POLR2E: variants seen among roughly 807,000 people sequenced by gnomAD.
POLR2E encodes RNA polymerase II, I and III subunit E.
Under a neutral mutation model 29.8 loss-of-function variants are expected in POLR2E, and 35 were observed. The observed-to-expected ratio is 1.17, with a 90% CI of 0.90 to 1.55. POLR2E has a LOEUF of 1.55. Ranked by LOEUF, POLR2E falls within the 40% of genes most tolerant of loss-of-function variation. The probability of loss-of-function intolerance (pLI) is 0.00; values close to 1 mark genes in which losing one functional copy is unlikely to be tolerated. For synonymous variants in POLR2E, 174 were observed against 112.6 expected, an observed-to-expected ratio of 1.55 and a Z score of -3.45; for missense variants, 287 against 288.6, an observed-to-expected ratio of 0.99 and a Z score of 0.04.
At chr19:1,093,540 G>A (rs998232885) in intron 2 of POLR2E, among the ~76,000 whole-genome samples, 6 of 152,144 alleles carry the variant, frequency 3.9e-5, no homozygotes, top group African/African-American at 1.4e-4. Flanking sequence ...CGCTGACCCA[G>A]ACGGGGCCTC....
At chr19:1,093,697 G>A (rs999612465) in intron 2 of POLR2E, 2 of 1,351,290 alleles carry the variant, frequency 1.5e-6, no homozygotes, top group African/African-American at 1.5e-5. Context: ...AGGGGACTGA[G>A]AGGGAAACTA....
rs1412934979 is a variant in POLR2E at position 1,087,556 on chromosome 19, C to T, written c.*1179G>A. On this transcript the variant is annotated 3_prime_UTR_variant, in exon 8 of 8. Coordinates refer to ENST00000615234, the MANE Select transcript of POLR2E (RefSeq NM_002695.5). ...GGGAACCCCCATCCCCACCCAACTC[C>T]CCAGTCCCGGGAACCCCCATCCTAC... is the stretch of plus-strand genomic sequence containing the variant. 1.3e-5 allele frequency: 2 copies of T among 152,106 alleles called. No homozygotes were observed. Among genetic ancestry groups the T allele is most frequent in the Non-Finnish European group, 2.9e-5 (2 of 68,108 alleles). The allele number at this position is 152,106 out of a possible 1,614,324, so 9.4% of individuals were successfully genotyped here. A position where few individuals can be genotyped will look rare whatever the true frequency, so the allele number is the denominator to read the frequency against.
intron 2 of POLR2E, among the ~76,000 whole-genome samples, chr19:1,093,319 C>T (rs1272707118): frequency 6.6e-6 from 1 of 152,368 alleles, no homozygotes; most frequent in South Asian, 2.1e-4. Context: ...ATCCCCCAAC[C>T]GCTGAGGGCT....
chr19:1,089,421 G>A (rs555654259), intron 7 of POLR2E, 51 bp downstream of exon 7: 214 of 1,241,498 alleles, frequency 1.7e-4, no homozygotes, highest in South Asian at 1.4e-3. Context: ...CGGAGGGGAC[G>A]ACACCCCTGC....
chr19:1,090,002 G>T, intron 5 of POLR2E, 40 bp from the exon 6 acceptor site: 2 of 1,541,816 alleles, frequency 1.3e-6, no homozygotes, highest in Non-Finnish European at 1.8e-6. Flanking sequence ...CAGGGCCGTT[G>T]GGGGGGCAGG....
chr19:1,089,442 A>G lies in POLR2E; in HGVS notation c.*14+30T>C, dbSNP rs761881188. On this transcript the variant is annotated intron_variant, in intron 7 of 7. Transcript: ENST00000615234. ...GGACGACACCCCTGCCTCTGACCCC[A>G]CCTCAGTGCCTGTCCCTCGGCCGTC... 5 of 1,485,508 alleles carry G rather than the reference A, an allele frequency of 3.4e-6. No individual in the cohort carries two copies. The African/African-American group carries it at 5.6e-5, about 17-fold the overall frequency. 92.0% of individuals were successfully genotyped at this position (1,485,508 alleles called of 1,614,324 possible).
In POLR2E at chr19:1,090,252, A is replaced by C. The variant is rs901625764; in HGVS notation, c.430-107T>G. The stretch of plus-strand genomic sequence containing the variant: ...GCCTTCAGACGGACAAGAGCCCTGA[A>C]CCCCACCCCGATCCCCGGCACTCAG... On this transcript the variant is annotated intron_variant, in intron 4 of 7. Coordinates refer to ENST00000615234, the MANE Select transcript of POLR2E (RefSeq NM_002695.5). 7 of 937,456 alleles carry C rather than the reference A, an allele frequency of 7.5e-6. No homozygotes were observed. In the African/African-American group the frequency reaches 1.1e-4, roughly 15 times the overall value. 58.1% of individuals were successfully genotyped at this position (937,456 alleles called of 1,614,324 possible). A position where few individuals can be genotyped will look rare whatever the true frequency, so the allele number is the denominator to read the frequency against.
chr19:1,089,799 G>A, intron 6 of POLR2E, 85 bp downstream of exon 6: 1 of 1,102,666 alleles, frequency 9.1e-7, no homozygotes, highest in South Asian at 1.4e-5. Flanking sequence ...CAAGGGGGAG[G>A]GGCTGTCGGG....
intron 6 of POLR2E, 127 bp downstream of exon 6, chr19:1,089,757 T>C: frequency 1.2e-6 from 1 of 816,238 alleles, no homozygotes; most frequent in East Asian, 2.6e-5. Context: ...ATATTGGGGG[T>C]GTGGTCTCGA....
intron 6 of POLR2E, 135 bp downstream of exon 6, chr19:1,089,749 A>G (rs1599790984): frequency 2.5e-6 from 2 of 805,278 alleles, no homozygotes; most frequent in East Asian, 2.7e-5. Context: ...AGAGGGGGAT[A>G]TTGGGGGTGT....
chr19:1,091,795 C>T lies in POLR2E; in HGVS notation c.345G>A (p.Lys115=). 1 of 1,603,980 alleles carries T rather than the reference C, an allele frequency of 6.2e-7. No homozygotes were observed. Among genetic ancestry groups the T allele is most frequent in the African/African-American group, 1.3e-5 (1 of 74,876 alleles). The change falls in exon 3 of 8, where the codon AAG becomes AAA. Residue 115 remains lysine (K), a synonymous_variant. Coordinates refer to ENST00000615234, the MANE Select transcript of POLR2E (RefSeq NM_002695.5). ...GGGGTGGGGCAGGGGTGCCCACCTG[C>T]TTGGCGGAGGGTGTCATGCCCTGCT... The part of the protein sequence containing the change: ...VVQQGMTPSA[K]QSLVDMAPKY...
intron 2 of POLR2E, among the ~76,000 whole-genome samples, chr19:1,092,911 C>T (rs558336010): frequency 2.7e-4 from 37 of 138,034 alleles, no homozygotes; most frequent in African/African-American, 9.8e-4. Flanking sequence ...AAAGACTGGG[C>T]GCGGTGGCTC....
rs545849567 is a variant in POLR2E at position 1,088,948 on chromosome 19, G to T, written c.*15-228C>A. The stretch of plus-strand genomic sequence containing the variant: ...TCAGACCAGGCCAAGCCCCACCCCT[G>T]GGCTGAGTGTGAAGTGGGGCGGCCT... On this transcript the variant is annotated intron_variant, in intron 7 of 7. Coordinates refer to ENST00000615234, the MANE Select transcript of POLR2E (RefSeq NM_002695.5). Among the ~76,000 whole-genome samples the T allele has an allele frequency of 1.3e-3, 201 of 152,276 alleles. 3 individuals carry two copies. Among genetic ancestry groups the T allele is most frequent in the Non-Finnish European group, 7.9e-4 (54 of 67,996 alleles).
At position 1,089,557 on chromosome 19, in the gene POLR2E, G is replaced by A. The variant is rs1478058837; in HGVS notation, c.568-6C>T. 5.0e-6 allele frequency: 8 copies of A among 1,612,952 alleles called. No individual in the cohort carries two copies. The highest frequency in any genetic ancestry group is 4.0e-5 in the African/African-American group (3 of 74,900). ...GGCCGGATGATCTTCACCACCTGCAGAGACAGAGAGCAGGGGCTGCGAATG... is the reference window on the plus strand; with the variant it reads ...GGCCGGATGATCTTCACCACCTGCAAAGACAGAGAGCAGGGGCTGCGAATG... On this transcript the variant is annotated splice_polypyrimidine_tract_variant and splice_region_variant and intron_variant, in intron 6 of 7. Transcript: ENST00000615234.
At chr19:1,090,318 G>A (rs1011867458) in intron 4 of POLR2E, among the ~76,000 whole-genome samples, 173 bp from the exon 5 acceptor site, 3 of 148,372 alleles carry the variant, frequency 2.0e-5, no homozygotes, top group African/African-American at 4.9e-5. Context: ...GGCGGGGGAC[G>A]GAGTCACAGC....
chr19:1,088,222 C>A lies in POLR2E; in HGVS notation c.*513G>T, dbSNP rs2043750006. Reference sequence around the variant, plus strand: ...ATCTTTACCATTTGAAAACACCCAACCTCCTACAACAACCGAGAACTCCAG... The same window carrying A: ...ATCTTTACCATTTGAAAACACCCAAACTCCTACAACAACCGAGAACTCCAG... On this transcript the variant is annotated 3_prime_UTR_variant, in exon 8 of 8. Coordinates refer to ENST00000615234, the MANE Select transcript of POLR2E (RefSeq NM_002695.5). 6.6e-6 allele frequency: 1 copy of A among 152,428 alleles called. No homozygotes were observed. Among genetic ancestry groups the A allele is most frequent in the South Asian group, 2.1e-4 (1 of 4,836 alleles). The allele number at this position is 152,428 out of a possible 1,614,324, so 9.4% of individuals were successfully genotyped here. A position where few individuals can be genotyped will look rare whatever the true frequency, so the allele number is the denominator to read the frequency against.
At chr19:1,094,184 C>T (rs2043896285) in intron 1 of POLR2E, 106 bp from the exon 2 acceptor site, 2 of 1,032,920 alleles carry the variant, frequency 1.9e-6, no homozygotes, top group Admixed American at 5.2e-5. Context: ...CAGAGGTGAA[C>T]AGCAAACGGG....
rs938726570 is a variant in POLR2E at position 1,088,221 on chromosome 19, ACCT to A, written c.*511_*513del. 6.6e-6 allele frequency: 1 copy of A among 152,078 alleles called. No homozygotes were observed. The highest frequency in any genetic ancestry group is 2.4e-5 in the African/African-American group (1 of 41,334). The allele number at this position is 152,078 out of a possible 1,614,324, so 9.4% of individuals were successfully genotyped here. ...CATCTTTACCATTTGAAAACACCCAACCTCCTACAACAACCGAGAACTCCAGAG... is the reference window on the plus strand; with the variant it reads ...CATCTTTACCATTTGAAAACACCCAACCTACAACAACCGAGAACTCCAGAG... On this transcript the variant is annotated 3_prime_UTR_variant, in exon 8 of 8. Coordinates refer to ENST00000615234, the MANE Select transcript of POLR2E (RefSeq NM_002695.5).
rs45577837 is a variant in POLR2E at position 1,088,327 on chromosome 19, G to A, written c.*408C>T. The A allele has an allele frequency of 6.0e-3, 909 of 152,418 alleles. 1 individual carries two copies. Among genetic ancestry groups the A allele is most frequent in the Non-Finnish European group, 0.01 (683 of 68,076 alleles). The allele number at this position is 152,418 out of a possible 1,614,324, so 9.4% of individuals were successfully genotyped here. ...AAAGAGCCGAGGCCGGGCGGGGGCC[G>A]CCACGCATCAGGGCCCCCGAGGGAG... On this transcript the variant is annotated 3_prime_UTR_variant, in exon 8 of 8. Coordinates refer to ENST00000615234, the MANE Select transcript of POLR2E (RefSeq NM_002695.5).
Sources: allele counts gnomAD v4.1 joint callset (sites outside exome capture counted in the v4.1 genomes callset), GRCh38; gene constraint gnomAD v4.1.1; transcripts MANE v1.5; gene names NCBI Gene and HGNC (gene_info 2026-07-23, HGNC 2026-07-21).